SEC14L5: variants seen among roughly 807,000 people sequenced by gnomAD.
The protein encoded by SEC14L5 is SEC14 like lipid binding 5, also known as SEC14-like protein 5.
In SEC14L5, 96 loss-of-function variants were observed where a neutral mutation model predicts 84.6. The ratio of observed to expected loss-of-function variants is 1.13; its 90% CI spans 0.96 to 1.34. The LOEUF (loss-of-function observed/expected upper bound fraction) is 1.34, where lower values mean the gene tolerates loss of function less well. SEC14L5 is among the 40% of genes most tolerant of loss of function. The pLI is 0.00. For missense variants in SEC14L5, 1,224 were observed against 942.5 expected (o/e 1.30, Z -3.91); for synonymous variants, 546 against 383.4 (o/e 1.42, Z -4.95).
In SEC14L5 at chr16:4,988,018, G is replaced by A. The variant is rs967451645; in HGVS notation, c.214-131G>A. On this transcript the variant is annotated intron_variant, in intron 3 of 15. Transcript: ENST00000251170. ...GGTTGGTGTCCTGGGTCCGGGCTGG[G>A]TGGGCGGTGGCGCAAGGGACCTGGG... The A allele has an allele frequency of 4.1e-6, 4 of 984,194 alleles. No individual in the cohort carries two copies. In the African/African-American group the frequency reaches 4.8e-5, roughly 12 times the overall value. The allele number at this position is 984,194 out of a possible 1,614,324, so 61.0% of individuals were successfully genotyped here.
intron 2 of SEC14L5, among the ~76,000 whole-genome samples, chr16:4,986,219 A>C (rs1487632196): frequency 6.6e-6 from 1 of 151,908 alleles, no homozygotes; most frequent in Non-Finnish European, 1.5e-5. Flanking sequence ...AGCTCACTGA[A>C]ACCTCTGCTT....
chr16:4,965,861 G>T (rs954152321), intron 2 of SEC14L5, among the ~76,000 whole-genome samples: 3 of 151,666 alleles, frequency 2.0e-5, no homozygotes, highest in African/African-American at 4.8e-5. Context: ...GGGCAACATA[G>T]GGAGTCCCCA....
At chr16:5,008,708 C>G (rs1955764996) in intron 14 of SEC14L5, 60 bp downstream of exon 14, 1 of 1,451,508 alleles carries the variant, frequency 6.9e-7, no homozygotes, top group Non-Finnish European at 9.5e-7. Context: ...CCACTGCGTG[C>G]CAGGCTTCTG....
Position 5,008,626 on chromosome 16 carries a change from G to C in SEC14L5, c.1778G>C (p.Cys593Ser), listed in dbSNP as rs1182813876. ...AGCCGTGTGGAGGCTCCCCTTGTCT[G>C]CCGGGAGGGGGAGAGCATCCAGGTT... is the stretch of plus-strand genomic sequence containing the variant. ...DYSRVEAPLV[C>S]REGESIQGSH... The change falls in exon 14 of 16, where the codon TGC (cysteine) becomes TCC (serine). Residue 593 changes from cysteine to serine, a missense_variant. Coordinates refer to ENST00000251170, the MANE Select transcript of SEC14L5 (RefSeq NM_014692.2). The C allele has an allele frequency of 6.2e-7, 1 of 1,606,136 alleles. No homozygotes were observed. The highest frequency in any genetic ancestry group is 8.5e-7 in the Non-Finnish European group (1 of 1,177,906).
chr16:5,017,670 G>C lies in SEC14L5; in HGVS notation c.*2700G>C, dbSNP rs1164458196. 1 of 152,246 alleles carries C rather than the reference G, an allele frequency of 6.6e-6. No individual in the cohort carries two copies. The highest frequency in any genetic ancestry group is 2.4e-5 in the African/African-American group (1 of 41,452). The allele number at this position is 152,246 out of a possible 1,614,324, so 9.4% of individuals were successfully genotyped here. Reference sequence around the variant, plus strand: ...CCTGCAGAAGCCGCAGCAGGATTGGGGAGGGCCATTCCCCCAATGGACAAG... The same window carrying C: ...CCTGCAGAAGCCGCAGCAGGATTGGCGAGGGCCATTCCCCCAATGGACAAG... On this transcript the variant is annotated 3_prime_UTR_variant, in exon 16 of 16. Coordinates refer to ENST00000251170, the MANE Select transcript of SEC14L5 (RefSeq NM_014692.2).
chr16:4,968,917 T>C (rs565058628), intron 2 of SEC14L5, among the ~76,000 whole-genome samples: 1 of 152,390 alleles, frequency 6.6e-6, no homozygotes, highest in South Asian at 2.1e-4. Context: ...CAGCTTGTAA[T>C]TTAGCCAATG....
intron 13 of SEC14L5, 140 bp downstream of exon 13, chr16:5,007,626 G>A: frequency 1.4e-6 from 1 of 716,336 alleles, no homozygotes; most frequent in Non-Finnish European, 2.2e-6. Context: ...TTTTTTTTGG[G>A]ATGGAGTCTC....
chr16:5,014,079 A>G (rs1469190567), intron 15 of SEC14L5, among the ~76,000 whole-genome samples: 1 of 152,220 alleles, frequency 6.6e-6, no homozygotes, highest in Non-Finnish European at 1.5e-5. Context: ...CTAAAGCTGC[A>G]CTGTCCTATC....
chr16:4,997,525 G>T (rs1955625460), intron 8 of SEC14L5, among the ~76,000 whole-genome samples: 1 of 152,194 alleles, frequency 6.6e-6, no homozygotes, highest in African/African-American at 2.4e-5. Flanking sequence ...GGAAGGCTTT[G>T]GGGCTTGAGG....
intron 2 of SEC14L5, among the ~76,000 whole-genome samples, chr16:4,962,190 A>T (rs974424667): frequency 1.3e-5 from 2 of 151,546 alleles, no homozygotes; most frequent in Non-Finnish European, 2.9e-5. Flanking sequence ...AAAGAAAAAG[A>T]AAAAAAGAAA....
In SEC14L5 at chr16:5,000,637, T is replaced by C; in HGVS notation, c.971-18T>C. The C allele has an allele frequency of 6.5e-7, 1 of 1,542,510 alleles. No homozygotes were observed. The highest frequency in any genetic ancestry group is 8.8e-7 in the Non-Finnish European group (1 of 1,139,278). On this transcript the variant is annotated intron_variant, in intron 8 of 15. Transcript: ENST00000251170. ...CTAAATAACGGGCTCTTCTTTCTGCTTGGCCCCATCCACAAAGATGGCCGC... is the reference window on the plus strand; with the variant it reads ...CTAAATAACGGGCTCTTCTTTCTGCCTGGCCCCATCCACAAAGATGGCCGC...
At chr16:5,007,602 C>CT in intron 13 of SEC14L5, 116 bp downstream of exon 13, 1 of 767,718 alleles carries the variant, frequency 1.3e-6, no homozygotes, top group Non-Finnish European at 2.0e-6. Context: ...TTCTTTCTTT[C>CT]TTTCTTTTTT....
Position 5,015,272 on chromosome 16 carries a change from C to T in SEC14L5, c.*302C>T. 2.9e-6 allele frequency: 1 copy of T among 346,332 alleles called. No homozygotes were observed. The highest frequency in any genetic ancestry group is 5.3e-6 in the Non-Finnish European group (1 of 189,030). The allele number at this position is 346,332 out of a possible 1,614,324, so 21.5% of individuals were successfully genotyped here. ...GGACATCCGGGCTTAGCGACGTCAG[C>T]CAGGCCCATCTCCTCTCTGTCCACC... On this transcript the variant is annotated 3_prime_UTR_variant, in exon 16 of 16. Transcript: ENST00000251170.
chr16:4,969,677 A>G (rs1195176559), intron 2 of SEC14L5, among the ~76,000 whole-genome samples: 2 of 152,020 alleles, frequency 1.3e-5, no homozygotes, highest in Non-Finnish European at 2.9e-5. Flanking sequence ...AGCTACTGTG[A>G]CCGGCCTGAT....
Position 5,018,526 on chromosome 16 carries a change from G to A in SEC14L5, c.*3556G>A, listed in dbSNP as rs976472501. The A allele has an allele frequency of 6.6e-6, 1 of 152,184 alleles. No homozygotes were observed. The highest frequency in any genetic ancestry group is 2.4e-5 in the African/African-American group (1 of 41,410). The allele number at this position is 152,184 out of a possible 1,614,324, so 9.4% of individuals were successfully genotyped here. A position where few individuals can be genotyped will look rare whatever the true frequency, so the allele number is the denominator to read the frequency against. On this transcript the variant is annotated 3_prime_UTR_variant, in exon 16 of 16. Coordinates refer to ENST00000251170, the MANE Select transcript of SEC14L5 (RefSeq NM_014692.2). ...TACAAAAAATTAAAAAATGAGCCAG[G>A]CGTGGTGGTGCGTGCCTATAGTCTC...
chr16:4,972,400 G>A (rs1216794362), intron 2 of SEC14L5, among the ~76,000 whole-genome samples: 1 of 152,120 alleles, frequency 6.6e-6, no homozygotes, highest in Admixed American at 6.6e-5. Flanking sequence ...GTACATTCAC[G>A]TTATTGTGCA....
intron 2 of SEC14L5, among the ~76,000 whole-genome samples, chr16:4,962,979 C>T (rs1317447908): frequency 6.6e-6 from 1 of 152,196 alleles, no homozygotes; most frequent in African/African-American, 2.4e-5. Flanking sequence ...AAACACTTGC[C>T]CTCAGATTGG....
rs77126105 is a variant in SEC14L5, at chr16:4,997,466, C to A, written c.970+422C>A. ...TATTTTTCCTTTTGACTCTTCCAGG[C>A]ATCTAGAAATGCTTTGAAGTGACAA... On this transcript the variant is annotated intron_variant, in intron 8 of 15. Coordinates refer to ENST00000251170, the MANE Select transcript of SEC14L5 (RefSeq NM_014692.2). Among the ~76,000 whole-genome samples the A allele has an allele frequency of 1.6e-3, 239 of 152,266 alleles. 2 individuals carry two copies. Among genetic ancestry groups the A allele is most frequent in the Non-Finnish European group, 2.4e-3 (160 of 68,020 alleles).
Position 4,997,034 on chromosome 16 carries a change from C to A in SEC14L5, c.960C>A (p.Tyr320Ter), listed in dbSNP as rs148871821. The A allele has an allele frequency of 6.2e-6, 10 of 1,610,090 alleles. No homozygotes were observed. Among genetic ancestry groups the A allele is most frequent in the Non-Finnish European group, 8.5e-6 (10 of 1,178,292 alleles). ...AGTTCTATGCAGGGGGCTGGCATTA[C>A]CAGGACATAGGTGCGTGCCTCCACC... ...LEEFYAGGWH[Y>*]QDIDGRPLYI... is the part of the protein sequence containing the mutation. Residue 320 changes from tyrosine to a stop codon, truncating the protein, a stop_gained, in exon 8 of 16, where the codon TAC becomes TAA. Transcript: ENST00000251170. LOFTEE classifies it high-confidence loss of function.
Sources: allele counts gnomAD v4.1 joint callset (sites outside exome capture counted in the v4.1 genomes callset), GRCh38; gene constraint gnomAD v4.1.1; transcripts MANE v1.5; gene names NCBI Gene and HGNC (gene_info 2026-07-23, HGNC 2026-07-21).